Variants in RAB10 observed in about 807,000 individuals in gnomAD.
RAB10 encodes the protein RAB10, member RAS oncogene family.
RAB10 carries 5 observed loss-of-function variants against 25.7 expected under a neutral mutation model. That is an observed-to-expected ratio of 0.19 (90% confidence interval 0.10 to 0.41). The LOEUF is 0.41. Ranked by LOEUF, RAB10 falls within the 10% of genes least tolerant of loss-of-function variation. RAB10 has a pLI of 1.00. For synonymous variants in RAB10, 89 were observed against 86.4 expected (o/e 1.03, Z -0.16); for missense variants, 103 against 245.8 (o/e 0.42, Z 3.89).
intron 1 of RAB10, among the ~76,000 whole-genome samples, chr2:26,080,316 C>T (rs1396921149): frequency 1.3e-5 from 2 of 152,060 alleles, no homozygotes; most frequent in Non-Finnish European, 2.9e-5. Flanking sequence ...AGAGAAACAC[C>T]GAATCACTGT....
intron 1 of RAB10, among the ~76,000 whole-genome samples, chr2:26,038,590 G>A (rs1264470648): frequency 1.3e-5 from 2 of 152,070 alleles, no homozygotes; most frequent in African/African-American, 4.8e-5. Flanking sequence ...TCTGAGTACA[G>A]CTTGAACACA....
At chr2:26,060,018 A>G (rs779224596) in intron 1 of RAB10, among the ~76,000 whole-genome samples, 1 of 152,232 alleles carries the variant, frequency 6.6e-6, no homozygotes. Flanking sequence ...GTCATGTTCT[A>G]AGAACACATA....
At chr2:26,047,635 T>C (rs1401572500) in intron 1 of RAB10, among the ~76,000 whole-genome samples, 4 of 151,972 alleles carry the variant, frequency 2.6e-5, no homozygotes, top group Non-Finnish European at 5.9e-5. Context: ...CGGGCTGGTC[T>C]TGAACGCCTG....
chr2:26,048,501 C>T (rs1482275799), intron 1 of RAB10, among the ~76,000 whole-genome samples: 1 of 152,052 alleles, frequency 6.6e-6, no homozygotes, highest in Non-Finnish European at 1.5e-5. Flanking sequence ...TGCTTATTTG[C>T]CATCTTTGGA....
intron 1 of RAB10, among the ~76,000 whole-genome samples, chr2:26,092,903 G>A (rs1017550693): frequency 6.6e-6 from 1 of 152,112 alleles, no homozygotes; most frequent in Non-Finnish European, 1.5e-5. Flanking sequence ...TAAATGGTGG[G>A]TAAATGACCC....
chr2:26,038,708 G>T (rs1163840947), intron 1 of RAB10, among the ~76,000 whole-genome samples: 1 of 151,444 alleles, frequency 6.6e-6, no homozygotes, highest in East Asian at 2.0e-4. Flanking sequence ...GGATCACGAG[G>T]TCAGGAGATC....
At chr2:26,034,032 CG>C (rs754966172), upstream of RAB10, 25 of 399,422 alleles carry the variant, frequency 6.3e-5, no homozygotes, top group Middle Eastern at 1.2e-3. Context: ...TGCGCAGAGG[CG>C]GACCGCAAGG....
chr2:26,126,329 G>C (rs542614005), intron 3 of RAB10, among the ~76,000 whole-genome samples: 31 of 152,220 alleles, frequency 2.0e-4, no homozygotes, highest in African/African-American at 7.5e-4. Context: ...TGTAATCCTA[G>C]CTCTTTGGGA....
At chr2:26,042,793 A>T (rs1037623334) in intron 1 of RAB10, 24 of 152,414 alleles carry the variant, frequency 1.6e-4, no homozygotes, top group African/African-American at 5.1e-4. Context: ...ATTTAAAAAA[A>T]AAAAACCTCT....
In RAB10 at chr2:26,107,316, GA is replaced by G. The variant is rs539789397; in HGVS notation, c.189-2443del. On this transcript the variant is annotated intron_variant, in intron 2 of 5. Transcript: ENST00000264710. The stretch of plus-strand genomic sequence containing the variant: ...AACACTAAACACATGATCTGTAAAA[GA>G]AAAAAAAATCAGTAAATTAATTAGA... Among the ~76,000 whole-genome samples, 7 of 142,790 alleles carry G rather than the reference GA, an allele frequency of 4.9e-5. No homozygotes were observed. The South Asian group carries it at 8.9e-4, about 18-fold the overall frequency. The allele number at this position is 142,790 out of a possible 152,430, so 93.7% of individuals were successfully genotyped here.
intron 1 of RAB10, among the ~76,000 whole-genome samples, chr2:26,092,568 A>T (rs1667131681): frequency 6.6e-6 from 1 of 152,204 alleles, no homozygotes; most frequent in Admixed American, 6.5e-5. Flanking sequence ...CAAGGAGTCC[A>T]AAATGAGGCT....
In RAB10 at chr2:26,115,732, A is replaced by G. The variant is rs541486202; in HGVS notation, c.327+5826A>G. 7.5e-4 allele frequency among the ~76,000 whole-genome samples: 114 copies of G among 152,218 alleles called. 1 individual carries two copies. Among genetic ancestry groups the G allele is most frequent in the Non-Finnish European group, 1.3e-3 (90 of 68,038 alleles). ...ATTTTTACAGGGTGAATTTTATGAT[A>G]TGTAAATTATAAACTCAAAACTGTT... On this transcript the variant is annotated intron_variant, in intron 3 of 5. Coordinates refer to ENST00000264710, the MANE Select transcript of RAB10 (RefSeq NM_016131.5).
At chr2:26,060,493 C>T (rs760652390) in intron 1 of RAB10, among the ~76,000 whole-genome samples, 11 of 152,138 alleles carry the variant, frequency 7.2e-5, no homozygotes, top group Admixed American at 2.6e-4. Flanking sequence ...GGGGTTTCAC[C>T]GTGTTAGCCA....
intron 1 of RAB10, among the ~76,000 whole-genome samples, chr2:26,040,789 G>A (rs1389789749): frequency 1.3e-5 from 2 of 152,094 alleles, no homozygotes; most frequent in Admixed American, 1.3e-4. Context: ...TTTCTTATTG[G>A]CTATGGTTTT....
At chr2:26,051,112 A>AT (rs1220964719) in intron 1 of RAB10, among the ~76,000 whole-genome samples, 69 of 151,598 alleles carry the variant, frequency 4.6e-4, no homozygotes, top group African/African-American at 1.6e-3. Flanking sequence ...TAATTTTTAA[A>AT]TTTTTTGTAG....
At chr2:26,046,367 A>C (rs1324997110) in intron 1 of RAB10, among the ~76,000 whole-genome samples, 1 of 152,112 alleles carries the variant, frequency 6.6e-6, no homozygotes, top group Non-Finnish European at 1.5e-5. Context: ...AAGTTGATTA[A>C]AATGAAATTT....
At chr2:26,084,095 A>C (rs1666926741) in intron 1 of RAB10, among the ~76,000 whole-genome samples, 1 of 152,158 alleles carries the variant, frequency 6.6e-6, no homozygotes, top group Non-Finnish European at 1.5e-5. Flanking sequence ...TTTGCATGTC[A>C]AATCCATTGT....
chr2:26,086,017 A>AGGG lies in RAB10; in HGVS notation c.128-12638_128-12636dup, dbSNP rs1376178404. Among the ~76,000 whole-genome samples the AGGG allele has an allele frequency of 2.0e-3, 140 of 71,458 alleles. 1 individual carries two copies. The highest frequency in any genetic ancestry group is 0.011 in the South Asian group (22 of 1,948). 46.9% of individuals were successfully genotyped at this position (71,458 alleles called of 152,430 possible). A position where few individuals can be genotyped will look rare whatever the true frequency, so the allele number is the denominator to read the frequency against. Reference sequence around the variant, plus strand: ...TGTCTCCAAAAAAAAAAAAAAAAAAAGGGGGGGGGCAAAGGGGCCCGATGC... The same window carrying AGGG: ...TGTCTCCAAAAAAAAAAAAAAAAAAAGGGGGGGGGGGGCAAAGGGGCCCGATGC... On this transcript the variant is annotated intron_variant, in intron 1 of 5. Coordinates refer to ENST00000264710, the MANE Select transcript of RAB10 (RefSeq NM_016131.5).
chr2:26,068,169 G>T (rs548591612), intron 1 of RAB10, among the ~76,000 whole-genome samples: 2 of 152,236 alleles, frequency 1.3e-5, no homozygotes, highest in Non-Finnish European at 2.9e-5. Flanking sequence ...GAGGAAGTGG[G>T]CACAAAAAGG....
Sources: allele counts gnomAD v4.1 joint callset (sites outside exome capture counted in the v4.1 genomes callset), GRCh38; gene constraint gnomAD v4.1.1; transcripts MANE v1.5; gene names NCBI Gene and HGNC (gene_info 2026-07-23, HGNC 2026-07-21).